Variants in CNTNAP2 observed in about 807,000 individuals in gnomAD.
The protein encoded by CNTNAP2 is contactin-associated protein-like 2.
CNTNAP2 carries 98 observed loss-of-function variants against 155.2 expected under a neutral mutation model. The observed-to-expected ratio is 0.63, with a 90% CI of 0.54 to 0.75. The LOEUF is 0.75. Among genes scored for constraint, CNTNAP2 ranks in the 30% least tolerant of loss-of-function variants. The pLI is 0.00. For missense variants in CNTNAP2, 1,727 were observed against 1,688.1 expected (o/e 1.02, Z -0.40); for synonymous variants, 651 against 631.2 (o/e 1.03, Z -0.47).
chr7:146,290,730 G>A (rs1366632413), intron 1 of CNTNAP2, among the ~76,000 whole-genome samples: 2 of 152,276 alleles, frequency 1.3e-5, no homozygotes, highest in Non-Finnish European at 2.9e-5. Flanking sequence ...TAAACACTTT[G>A]AACATCATCA....
intron 1 of CNTNAP2, among the ~76,000 whole-genome samples, chr7:146,338,439 T>C (rs1801316392): frequency 6.6e-6 from 1 of 152,162 alleles, no homozygotes; most frequent in African/African-American, 2.4e-5. Context: ...CCGCATCAGA[T>C]ATAAAGTTAT....
chr7:146,890,030 T>G (rs900449756), intron 3 of CNTNAP2, among the ~76,000 whole-genome samples: 15 of 152,112 alleles, frequency 9.9e-5, no homozygotes, highest in Non-Finnish European at 2.2e-4. Context: ...CAAATCACAT[T>G]ATGTGCTGCC....
At chr7:147,581,510 G>A (rs1456407139) in intron 12 of CNTNAP2, among the ~76,000 whole-genome samples, 4 of 152,168 alleles carry the variant, frequency 2.6e-5, no homozygotes, top group Admixed American at 1.3e-4. Flanking sequence ...ATGGCAAAAT[G>A]AGTTTTGTGT....
intron 17 of CNTNAP2, 89 bp downstream of exon 17, chr7:148,147,798 AG>A: frequency 7.6e-7 from 1 of 1,318,474 alleles, no homozygotes; most frequent in Non-Finnish European, 1.1e-6. Flanking sequence ...AGCCTATGCA[AG>A]GTTTGATATA....
intron 1 of CNTNAP2, among the ~76,000 whole-genome samples, chr7:146,729,501 G>A (rs570764693): frequency 2.6e-4 from 40 of 152,056 alleles, no homozygotes; most frequent in African/African-American, 8.7e-4. Flanking sequence ...ATACTGTTGT[G>A]TCAAACTCCA....
chr7:147,318,739 G>C (rs1311938398), intron 9 of CNTNAP2, among the ~76,000 whole-genome samples: 1 of 152,004 alleles, frequency 6.6e-6, no homozygotes, highest in Non-Finnish European at 1.5e-5. Context: ...CTAGATGGCG[G>C]GTTGATTGGT....
At chr7:146,924,643 A>G (rs1376094581) in intron 3 of CNTNAP2, among the ~76,000 whole-genome samples, 2 of 152,114 alleles carry the variant, frequency 1.3e-5, no homozygotes, top group East Asian at 1.9e-4. Flanking sequence ...AGTGAGATAA[A>G]TATATCACTC....
intron 12 of CNTNAP2, among the ~76,000 whole-genome samples, chr7:147,611,026 C>T (rs1468541627): frequency 2.0e-5 from 3 of 152,078 alleles, no homozygotes; most frequent in African/African-American, 7.2e-5. Context: ...AAGCATGAGC[C>T]ACCACGCCTG....
At chr7:147,576,649 G>A (rs1023587543) in intron 12 of CNTNAP2, among the ~76,000 whole-genome samples, 4 of 152,098 alleles carry the variant, frequency 2.6e-5, no homozygotes, top group African/African-American at 9.7e-5. Context: ...TTTGATGCAA[G>A]AGTGAAGAGT....
intron 8 of CNTNAP2, among the ~76,000 whole-genome samples, chr7:147,243,713 C>T (rs1803992611): frequency 6.6e-6 from 1 of 152,192 alleles, no homozygotes; most frequent in South Asian, 2.1e-4. Context: ...GACTAGCCTA[C>T]AAATCAGTGT....
intron 1 of CNTNAP2, among the ~76,000 whole-genome samples, chr7:146,688,192 C>G (rs949147414): frequency 4.6e-5 from 7 of 152,060 alleles, no homozygotes; most frequent in Non-Finnish European, 8.8e-5. Flanking sequence ...TTAAATAATA[C>G]TCAAATCATT....
At chr7:148,222,495 T>TATAAATGGATCATTCCATGAATCG (rs1563000674) in intron 19 of CNTNAP2, among the ~76,000 whole-genome samples, 7 of 78,320 alleles carry the variant, frequency 8.9e-5, no homozygotes, top group African/African-American at 3.3e-4. Context: ...TCCATGAATC[T>TATAAATGGATCATTCCATGAATCG]ATGAATGGAT....
chr7:147,738,095 G>A (rs139552895), intron 13 of CNTNAP2, among the ~76,000 whole-genome samples: 3 of 152,060 alleles, frequency 2.0e-5, no homozygotes, highest in Non-Finnish European at 4.4e-5. Context: ...GACATCACCC[G>A]TCTTTTGTGT....
chr7:146,391,484 G>A (rs1156981438), intron 1 of CNTNAP2, among the ~76,000 whole-genome samples: 6 of 151,952 alleles, frequency 3.9e-5, no homozygotes, highest in African/African-American at 1.5e-4. Flanking sequence ...ATTGCCAGAG[G>A]GAGAAATAAT....
At chr7:147,046,825 C>A (rs1003166379) in intron 4 of CNTNAP2, among the ~76,000 whole-genome samples, 2 of 151,828 alleles carry the variant, frequency 1.3e-5, no homozygotes, top group South Asian at 4.2e-4. Context: ...GTCAGGAGAT[C>A]GAGACCATCC....
chr7:146,266,310 C>T (rs1200770156), intron 1 of CNTNAP2, among the ~76,000 whole-genome samples: 1 of 152,126 alleles, frequency 6.6e-6, no homozygotes, highest in Non-Finnish European at 1.5e-5. Context: ...TCTAGCCTTC[C>T]ATTGTTGCTT....
At chr7:148,245,141 C>A (rs1431448287) in intron 20 of CNTNAP2, among the ~76,000 whole-genome samples, 1 of 152,146 alleles carries the variant, frequency 6.6e-6, no homozygotes, top group Non-Finnish European at 1.5e-5. Flanking sequence ...TTGTGCATTT[C>A]CTGTGGGCAT....
At chr7:146,236,688 G>T (rs1216646853) in intron 1 of CNTNAP2, among the ~76,000 whole-genome samples, 6 of 151,724 alleles carry the variant, frequency 4.0e-5, no homozygotes, top group Non-Finnish European at 7.4e-5. Context: ...CAAACAAATC[G>T]AACATTTTCT....
intron 8 of CNTNAP2, among the ~76,000 whole-genome samples, chr7:147,242,336 T>C (rs558165447): frequency 6.6e-6 from 1 of 152,334 alleles, no homozygotes; most frequent in South Asian, 2.1e-4. Context: ...AAGTTTAGAC[T>C]ACATTAAGGA....
Sources: allele counts gnomAD v4.1 joint callset (sites outside exome capture counted in the v4.1 genomes callset), GRCh38; gene constraint gnomAD v4.1.1; transcripts MANE v1.5; gene names NCBI Gene and HGNC (gene_info 2026-07-23, HGNC 2026-07-21).